BRD4: variants seen among roughly 807,000 people sequenced by gnomAD.
BRD4 encodes the protein bromodomain containing 4.
Under a neutral mutation model 142.1 loss-of-function variants are expected in BRD4, and 16 were observed. The ratio of observed to expected loss-of-function variants is 0.11; its 90% CI spans 0.08 to 0.17. The LOEUF is 0.17. Among genes scored for constraint, BRD4 ranks in the 10% least tolerant of loss-of-function variants. The pLI is 1.00. For missense variants in BRD4, 1,424 were observed against 1,810.9 expected, an observed-to-expected ratio of 0.79 and a Z score of 3.88; for synonymous variants, 833 against 707.5, an observed-to-expected ratio of 1.18 and a Z score of -2.82.
intron 14 of BRD4, 22 bp downstream of exon 14, chr19:15,242,878 T>C: frequency 6.3e-7 from 1 of 1,595,000 alleles, no homozygotes; most frequent in Non-Finnish European, 8.5e-7. Flanking sequence ...CTCCCCAGAG[T>C]CTACGGGTGA....
intron 1 of BRD4, among the ~76,000 whole-genome samples, chr19:15,305,555 A>T (rs748604133): frequency 1.4e-4 from 21 of 152,244 alleles, no homozygotes; most frequent in Non-Finnish European, 4.4e-5. Context: ...TATTCTGCAA[A>T]TGATGCTGTA....
chr19:15,253,574 A>G, intron 11 of BRD4: 1 of 1,575,296 alleles, frequency 6.3e-7, no homozygotes, highest in South Asian at 1.1e-5. Context: ...CAGCCAACAC[A>G]GCAACGAGCA....
At chr19:15,245,512 C>T (rs372556232) in intron 11 of BRD4, among the ~76,000 whole-genome samples, 55 of 152,308 alleles carry the variant, frequency 3.6e-4, no homozygotes, top group African/African-American at 1.2e-3. Context: ...CGCCCCCACT[C>T]GTGTGGGCCG....
At chr19:15,289,054 C>T (rs1403147175) in intron 1 of BRD4, among the ~76,000 whole-genome samples, 1 of 152,172 alleles carries the variant, frequency 6.6e-6, no homozygotes, top group East Asian at 1.9e-4. Context: ...GTTAGAAATG[C>T]TTCACGTCTT....
At chr19:15,331,810 G>C (rs1407270735) in intron 1 of BRD4, 2 of 148,960 alleles carry the variant, frequency 1.3e-5, no homozygotes, top group Admixed American at 1.3e-4. Flanking sequence ...CTGCGCTCGC[G>C]GCCCCCGCGC....
chr19:15,319,536 C>A (rs1362736447), intron 1 of BRD4, among the ~76,000 whole-genome samples: 1 of 151,678 alleles, frequency 6.6e-6, no homozygotes, highest in Non-Finnish European at 1.5e-5. Flanking sequence ...ATCACTTAAA[C>A]CTGGGAGGTC....
chr19:15,326,312 A>T (rs2048107937), intron 1 of BRD4, among the ~76,000 whole-genome samples: 1 of 151,778 alleles, frequency 6.6e-6, no homozygotes, highest in Non-Finnish European at 1.5e-5. Flanking sequence ...AAACTACAAG[A>T]AATTATCCAG....
At position 15,298,297 on chromosome 19, in the gene BRD4, G is replaced by A. The variant is rs545017131; in HGVS notation, c.-34-25164C>T. Reference sequence around the variant, plus strand: ...TGTACAGGACTGTAGTTAACTCAACGGCTTTCAAGAAAAATGCAAAATGCT... The same window carrying A: ...TGTACAGGACTGTAGTTAACTCAACAGCTTTCAAGAAAAATGCAAAATGCT... On this transcript the variant is annotated intron_variant, in intron 1 of 19. Coordinates refer to ENST00000679869, the MANE Select transcript of BRD4 (RefSeq NM_001379291.1). 2.8e-4 allele frequency among the ~76,000 whole-genome samples: 43 copies of A among 152,264 alleles called. 1 individual carries two copies. In the South Asian group the frequency reaches 8.1e-3, roughly 29 times the overall value.
chr19:15,306,298 T>C (rs1330253796), intron 1 of BRD4, among the ~76,000 whole-genome samples: 1 of 152,216 alleles, frequency 6.6e-6, no homozygotes, highest in African/African-American at 2.4e-5. Context: ...TTAAAGGGTA[T>C]TGCTCTGTCA....
chr19:15,313,242 G>C (rs955768425), intron 1 of BRD4, among the ~76,000 whole-genome samples: 1 of 151,728 alleles, frequency 6.6e-6, no homozygotes, highest in Non-Finnish European at 1.5e-5. Context: ...GCGTGGTGGC[G>C]GACAGCTAGA....
intron 1 of BRD4, among the ~76,000 whole-genome samples, chr19:15,306,549 A>G (rs902585513): frequency 1.3e-5 from 2 of 152,190 alleles, no homozygotes; most frequent in Admixed American, 1.3e-4. Flanking sequence ...CTAGGATTAC[A>G]GGCATGAACC....
At chr19:15,252,724 C>T (rs574937569) in intron 11 of BRD4, among the ~76,000 whole-genome samples, 54 of 152,332 alleles carry the variant, frequency 3.5e-4, no homozygotes, top group Non-Finnish European at 5.3e-4. Flanking sequence ...GAGCTGCCCA[C>T]GGCATTCTGC....
intron 1 of BRD4, among the ~76,000 whole-genome samples, chr19:15,316,305 A>C (rs1184888232): frequency 6.6e-6 from 1 of 152,078 alleles, no homozygotes; most frequent in Non-Finnish European, 1.5e-5. Flanking sequence ...TCCCGCTTCT[A>C]TATTCCCAGA....
At chr19:15,265,968 C>T (rs1051714071) in intron 4 of BRD4, among the ~76,000 whole-genome samples, 1 of 152,220 alleles carries the variant, frequency 6.6e-6, no homozygotes, top group African/African-American at 2.4e-5. Context: ...CGGGAAAACA[C>T]TCCTCAGAGC....
At chr19:15,244,688 G>A (rs771604056) in intron 12 of BRD4, 22 bp downstream of exon 12, 3 of 1,614,126 alleles carry the variant, frequency 1.9e-6, no homozygotes, top group East Asian at 2.2e-5. Context: ...ACCTAATGAA[G>A]GATGCCCCTG....
chr19:15,290,516 C>A (rs2034363191), intron 1 of BRD4, among the ~76,000 whole-genome samples: 2 of 152,164 alleles, frequency 1.3e-5, no homozygotes, highest in South Asian at 4.1e-4. Context: ...ACTCAAACCA[C>A]CCCTTTAATA....
Position 15,266,128 on chromosome 19 carries a change from C to T in BRD4, c.560-485G>A, listed in dbSNP as rs1255480433. Among the ~76,000 whole-genome samples, 6 of 152,354 alleles carry T rather than the reference C, an allele frequency of 3.9e-5. 1 individual carries two copies. The highest frequency in any genetic ancestry group is 8.8e-5 in the Non-Finnish European group (6 of 68,030). ...CCACAGGGGGCAGCTGGACTGCTGC[C>T]CTTCATGACTGGCTCGAGCGCTGCC... On this transcript the variant is annotated intron_variant, in intron 4 of 19. Transcript: ENST00000679869.
In BRD4 at chr19:15,237,418, G is replaced by C. The variant is rs2047202068; in HGVS notation, c.*959C>G. 9.0e-6 allele frequency: 2 copies of C among 223,428 alleles called. No homozygotes were observed. The highest frequency in any genetic ancestry group is 1.3e-4 in the East Asian group (2 of 15,580). 13.8% of individuals were successfully genotyped at this position (223,428 alleles called of 1,614,324 possible). ...TTTTCTTTTTTCACACCAGTTTGGT[G>C]GAGTCACCAACAAACTTCAAACAAA... is the stretch of plus-strand genomic sequence containing the variant. On this transcript the variant is annotated 3_prime_UTR_variant, in exon 20 of 20. Coordinates refer to ENST00000679869, the MANE Select transcript of BRD4 (RefSeq NM_001379291.1).
At chr19:15,329,204 G>A (rs752326923) in intron 1 of BRD4, among the ~76,000 whole-genome samples, 4 of 151,726 alleles carry the variant, frequency 2.6e-5, no homozygotes, top group Admixed American at 2.6e-4. Flanking sequence ...CTCTTTTCTA[G>A]ACACCAAAAA....
Sources: allele counts gnomAD v4.1 joint callset (sites outside exome capture counted in the v4.1 genomes callset), GRCh38; gene constraint gnomAD v4.1.1; transcripts MANE v1.5; gene names NCBI Gene and HGNC (gene_info 2026-07-23, HGNC 2026-07-21).